Variants in PXDN observed in about 807,000 individuals in gnomAD.
PXDN encodes the protein peroxidasin.
Under a neutral mutation model 140.3 loss-of-function variants are expected in PXDN, and 77 were observed. The observed-to-expected ratio is 0.55, with a 90% confidence interval of 0.46 to 0.66. The LOEUF (loss-of-function observed/expected upper bound fraction) is 0.66. PXDN is among the 30% of genes least tolerant of loss of function. The pLI is 0.00. For missense variants in PXDN, 1,838 were observed against 2,039.5 expected (o/e 0.90, Z 1.90); for synonymous variants, 911 against 857.4 (o/e 1.06, Z -1.09).
rs770974637 is a variant in PXDN at position 1,638,832 on chromosome 2, G to A, written c.4206+14C>T. ...ATCTTGGAGTGGGGGGACACAGGCC[G>A]CCAGGCACCTCACCTGTGTTCTGAG... On this transcript the variant is annotated intron_variant, in intron 21 of 22. Coordinates refer to ENST00000252804, the MANE Select transcript of PXDN (RefSeq NM_012293.3). 35 of 1,613,714 alleles carry A rather than the reference G, an allele frequency of 2.2e-5. No homozygotes were observed. Among genetic ancestry groups the A allele is most frequent in the South Asian group, 4.4e-5 (4 of 91,084 alleles).
rs113997519 is a variant in PXDN, at chr2:1,634,339, G to A, written c.4321-16C>T. On this transcript the variant is annotated splice_polypyrimidine_tract_variant and intron_variant, in intron 22 of 22. Coordinates refer to ENST00000252804, the MANE Select transcript of PXDN (RefSeq NM_012293.3). ...CCTGCCCGTCCTGGAGAAGAGAGACGGAGCACAGCCTGTCAGCTCTGGGAT... is the reference window on the plus strand; with the variant it reads ...CCTGCCCGTCCTGGAGAAGAGAGACAGAGCACAGCCTGTCAGCTCTGGGAT... 1.8e-3 allele frequency: 2,803 copies of A among 1,562,008 alleles called. 41 individuals are homozygous for A. The African/African-American group carries it at 0.034, about 19-fold the overall frequency.
intron 1 of PXDN, among the ~76,000 whole-genome samples, chr2:1,728,734 T>G (rs1484212308): frequency 6.6e-6 from 1 of 152,158 alleles, no homozygotes; most frequent in Non-Finnish European, 1.5e-5. Context: ...GAAGCTCCAC[T>G]CAGGAATGGG....
At position 1,649,138 on chromosome 2, in the gene PXDN, G is replaced by C; in HGVS notation, c.2642C>G (p.Ser881Cys). ...CATGCCGCTGCCGCACACAGGGCTG[G>C]AGCGCACGAAGAACATGCAGCGGGC... is the stretch of plus-strand genomic sequence containing the variant. ...SGARCMFFVR[S>C]SPVCGSGMTS... The change falls in exon 17 of 23, where the codon TCC becomes TGC. Residue 881 changes from serine (S) to cysteine (C), a missense_variant. By Grantham distance (112) the Ser-to-Cys change is moderately radical. Coordinates refer to ENST00000252804, the MANE Select transcript of PXDN (RefSeq NM_012293.3). The surrounding 1 kb of genome is among the most constrained non-coding windows in gnomAD (Gnocchi z 7.1). 1 of 1,612,672 alleles carries C rather than the reference G, an allele frequency of 6.2e-7. No individual in the cohort carries two copies. Among genetic ancestry groups the C allele is most frequent in the Non-Finnish European group, 8.5e-7 (1 of 1,179,822 alleles).
intron 1 of PXDN, among the ~76,000 whole-genome samples, chr2:1,711,047 T>TCC (rs1241646774): frequency 3.2e-5 from 1 of 30,944 alleles, no homozygotes; most frequent in Non-Finnish European, 6.1e-5. Flanking sequence ...GCATCCACTC[T>TCC]ACCAGCACCC....
chr2:1,720,720 TCTCTCACA>T (rs1207663574), intron 1 of PXDN, among the ~76,000 whole-genome samples: 272 of 25,432 alleles, frequency 0.011, 3 homozygotes, highest in Admixed American at 0.023. Context: ...TCTCTCTCTC[TCTCTCACA>T]CACACACACA....
At chr2:1,734,594 C>T (rs1685388052) in intron 1 of PXDN, among the ~76,000 whole-genome samples, 1 of 152,204 alleles carries the variant, frequency 6.6e-6, no homozygotes, top group Admixed American at 6.5e-5. Context: ...ATCGGCCAGG[C>T]ATGGTGGCTC....
chr2:1,698,237 A>G (rs949347958), intron 1 of PXDN, among the ~76,000 whole-genome samples: 4 of 152,228 alleles, frequency 2.6e-5, no homozygotes, highest in Non-Finnish European at 2.9e-5. Context: ...ATCCATTGTG[A>G]ACATCCCCTG....
intron 1 of PXDN, among the ~76,000 whole-genome samples, chr2:1,733,454 TG>T (rs746386297): frequency 2.6e-5 from 4 of 152,060 alleles, no homozygotes; most frequent in Non-Finnish European, 5.9e-5. Flanking sequence ...TTTAAAGCGG[TG>T]TCGGCTGGGC....
chr2:1,645,487 A>G (rs1352471046), intron 17 of PXDN, among the ~76,000 whole-genome samples: 4 of 152,220 alleles, frequency 2.6e-5, no homozygotes, highest in African/African-American at 9.7e-5. Context: ...GCCCTTTTCT[A>G]CAAAACTCAA....
intron 1 of PXDN, among the ~76,000 whole-genome samples, chr2:1,723,534 G>C (rs1685103629): frequency 6.6e-6 from 1 of 152,146 alleles, no homozygotes; most frequent in Admixed American, 6.5e-5. Flanking sequence ...ATAGATGGTT[G>C]AGTTGTTATG....
intron 1 of PXDN, among the ~76,000 whole-genome samples, chr2:1,744,013 C>A (rs1182801022): frequency 6.6e-6 from 1 of 152,138 alleles, no homozygotes; most frequent in Non-Finnish European, 1.5e-5. Context: ...AGGCCGCGCG[C>A]ACAGCGCTCT....
chr2:1,688,767 T>C (rs1427902566), intron 3 of PXDN, among the ~76,000 whole-genome samples: 2 of 152,202 alleles, frequency 1.3e-5, no homozygotes, highest in Non-Finnish European at 2.9e-5. Context: ...CTCTTCAAAA[T>C]TGATTACTTA....
rs1174550348 is a variant in PXDN, at chr2:1,637,505, A to C, written c.4206+1341T>G. 2.6e-5 allele frequency among the ~76,000 whole-genome samples: 4 copies of C among 151,994 alleles called. No homozygotes were observed. In the East Asian group the frequency reaches 7.7e-4, roughly 29 times the overall value. ...CTCTGACAGCTGCTGGGGGATGTGC[A>C]CCTGGTCTCTAGGCTGCGGAGGGAG... On this transcript the variant is annotated intron_variant, in intron 21 of 22. Coordinates refer to ENST00000252804, the MANE Select transcript of PXDN (RefSeq NM_012293.3).
At chr2:1,666,144 G>A (rs755890499) in intron 10 of PXDN, 70 bp downstream of exon 10, 2 of 1,568,642 alleles carry the variant, frequency 1.3e-6, no homozygotes, top group Non-Finnish European at 1.7e-6. Flanking sequence ...TGTGGGTATG[G>A]CAGCGCGAGC....
chr2:1,658,327 A>G (rs1683215984), intron 14 of PXDN, among the ~76,000 whole-genome samples: 2 of 151,710 alleles, frequency 1.3e-5, no homozygotes, highest in Middle Eastern at 3.4e-3. Flanking sequence ...TCCCTTTTCC[A>G]TGCTCAAACA....
chr2:1,684,528 T>C (rs1457637268), intron 4 of PXDN, among the ~76,000 whole-genome samples: 4 of 152,160 alleles, frequency 2.6e-5, no homozygotes, highest in Non-Finnish European at 5.9e-5. Context: ...CATAAATAGG[T>C]GAATACCTTC....
chr2:1,644,107 G>A (rs1682796185), intron 18 of PXDN, among the ~76,000 whole-genome samples: 1 of 135,542 alleles, frequency 7.4e-6, no homozygotes, highest in South Asian at 2.5e-4. Flanking sequence ...AAGAACGACA[G>A]TGTTAGCTCT....
chr2:1,648,346 G>T lies in PXDN; in HGVS notation c.3434C>A (p.Ser1145Tyr). 1 of 1,613,684 alleles carries T rather than the reference G, an allele frequency of 6.2e-7. No homozygotes were observed. Among genetic ancestry groups the T allele is most frequent in the Non-Finnish European group, 8.5e-7 (1 of 1,179,898 alleles). ...LNTELTERLF[S>Y]MAHTVALDLA... ...GTCCAGAGCCACCGTGTGTGCCATG[G>T]AGAACAGCCGCTCCGTGAGCTCCGT... is the stretch of plus-strand genomic sequence containing the variant. Residue 1145 changes from serine to tyrosine, a missense_variant, in exon 17 of 23, where the codon TCC becomes TAC. Transcript: ENST00000252804. The surrounding 1 kb of genome is among the most constrained non-coding windows in gnomAD (Gnocchi z 8.9).
At chr2:1,707,372 C>T (rs7577993) in intron 1 of PXDN, among the ~76,000 whole-genome samples, 58,981 of 79,980 alleles carry the variant, frequency 0.74, 20,671 homozygotes, top group African/African-American at 0.83. Context: ...CGCTGCAGTG[C>T]TCACCAATCA....
Sources: gnomAD v4.1 joint callset for allele counts (sites outside exome capture counted in the v4.1 genomes callset) on GRCh38, gnomAD v4.1.1 for gene constraint, Gnocchi (gnomAD v3.1) non-coding constraint, MANE v1.5 for transcripts, NCBI Gene and HGNC (gene_info 2026-07-23, HGNC 2026-07-21) for gene names.